SUCLG2: variants seen among roughly 807,000 people sequenced by gnomAD.
The protein encoded by SUCLG2 is succinate--CoA ligase [GDP-forming] subunit beta, mitochondrial.
In SUCLG2, 42 loss-of-function variants were observed where a neutral mutation model predicts 47.9. The observed-to-expected ratio is 0.88, with a 90% CI of 0.69 to 1.14. The LOEUF (loss-of-function observed/expected upper bound fraction) is 1.14. SUCLG2 is among the 50% of genes most tolerant of loss of function. The pLI is 0.00. For missense variants in SUCLG2, 571 were observed against 525.9 expected (o/e 1.09, Z -0.84); for synonymous variants, 195 against 197.3 (o/e 0.99, Z 0.10).
chr3:67,492,274 T>C (rs1316799898), intron 9 of SUCLG2, among the ~76,000 whole-genome samples: 1 of 152,216 alleles, frequency 6.6e-6, no homozygotes, highest in Non-Finnish European at 1.5e-5. Flanking sequence ...TGTCCTTTCC[T>C]TGTATTCACT....
At chr3:67,362,977 C>A (rs1476896475) in intron 10 of SUCLG2, among the ~76,000 whole-genome samples, 1 of 152,152 alleles carries the variant, frequency 6.6e-6, no homozygotes, top group Non-Finnish European at 1.5e-5. Flanking sequence ...AAAACCACAT[C>A]TTTGCCAGGT....
intron 2 of SUCLG2, among the ~76,000 whole-genome samples, chr3:67,538,287 T>C (rs1706602284): frequency 6.6e-6 from 1 of 152,242 alleles, no homozygotes; most frequent in Non-Finnish European, 1.5e-5. Context: ...TTTCTGCATA[T>C]GGCTTACCAA....
intron 10 of SUCLG2, among the ~76,000 whole-genome samples, chr3:67,395,022 G>C (rs929313269): frequency 6.6e-6 from 1 of 152,046 alleles, no homozygotes; most frequent in African/African-American, 2.4e-5. Flanking sequence ...CCTGAAGGAA[G>C]CACTAAACAT....
At chr3:67,491,687 T>C (rs974885780) in intron 9 of SUCLG2, among the ~76,000 whole-genome samples, 6 of 152,202 alleles carry the variant, frequency 3.9e-5, no homozygotes, top group African/African-American at 1.4e-4. Flanking sequence ...GGCTGGAGGT[T>C]AGATGATATG....
chr3:67,535,886 G>C (rs760120782), intron 2 of SUCLG2, among the ~76,000 whole-genome samples: 2 of 152,182 alleles, frequency 1.3e-5, no homozygotes, highest in Non-Finnish European at 2.9e-5. Flanking sequence ...ACAGGGAAGG[G>C]GATTCTGGAA....
At chr3:67,360,660 C>T (rs1480762790) in exon 11 of SUCLG2, 2 of 1,516,420 alleles carry the variant, frequency 1.3e-6, no homozygotes, top group Non-Finnish European at 1.8e-6. Flanking sequence ...GGCACACTTA[C>T]TCAGATTTTG....
At position 67,528,983 on chromosome 3, in the gene SUCLG2, G is replaced by A. The variant is rs112721010; in HGVS notation, c.326+104C>T. On this transcript the variant is annotated intron_variant, in intron 3 of 10. Coordinates refer to ENST00000307227, the MANE Select transcript of SUCLG2 (RefSeq NM_003848.4). ...CAGTTTCTTCTAGTTGCTTTGGCCC[G>A]CTCCTACCCCACCACAACCAACCTC... is the stretch of plus-strand genomic sequence containing the variant. 7,810 of 915,736 alleles carry A rather than the reference G, an allele frequency of 8.5e-3. 430 individuals carry two copies. In the African/African-American group the frequency reaches 0.12, roughly 14 times the overall value. The allele number at this position is 915,736 out of a possible 1,614,324, so 56.7% of individuals were successfully genotyped here. A position where few individuals can be genotyped will look rare whatever the true frequency, so the allele number is the denominator to read the frequency against.
chr3:67,400,893 G>A lies in SUCLG2; in HGVS notation c.1063-42C>T, dbSNP rs116273780. ...AAAGTTACCAATCAAAATGCTGATC[G>A]CCAACAGTCTCAAAAATAACTGGTT... On this transcript the variant is annotated intron_variant, in intron 9 of 10. Coordinates refer to ENST00000307227, the MANE Select transcript of SUCLG2 (RefSeq NM_003848.4). The A allele has an allele frequency of 5.5e-5, 88 of 1,607,972 alleles. No individual in the cohort carries two copies. In the East Asian group the frequency reaches 1.2e-3, roughly 22 times the overall value.
At chr3:67,426,211 T>C (rs1703298710) in intron 9 of SUCLG2, among the ~76,000 whole-genome samples, 1 of 152,184 alleles carries the variant, frequency 6.6e-6, no homozygotes, top group African/African-American at 2.4e-5. Context: ...CAAAATCCCA[T>C]AATCATGATT....
At chr3:67,582,265 C>T (rs187402114) in intron 2 of SUCLG2, among the ~76,000 whole-genome samples, 90 of 152,236 alleles carry the variant, frequency 5.9e-4, no homozygotes, top group African/African-American at 1.8e-3. Context: ...CACCCTCCTC[C>T]TACCCTCCAT....
At chr3:67,584,343 T>C (rs1195316048) in intron 2 of SUCLG2, among the ~76,000 whole-genome samples, 2 of 152,136 alleles carry the variant, frequency 1.3e-5, no homozygotes, top group East Asian at 1.9e-4. Context: ...GACAAATCTA[T>C]AGGGACACAA....
chr3:67,459,143 T>C (rs545838718), intron 9 of SUCLG2, among the ~76,000 whole-genome samples: 4 of 152,368 alleles, frequency 2.6e-5, no homozygotes, highest in South Asian at 4.1e-4. Context: ...GTTTTGTGTG[T>C]GTGTGTTTTA....
intron 2 of SUCLG2, among the ~76,000 whole-genome samples, chr3:67,560,235 T>C (rs990890703): frequency 6.6e-6 from 1 of 152,134 alleles, no homozygotes; most frequent in African/African-American, 2.4e-5. Flanking sequence ...ATCATTAGGG[T>C]AGGCCATAAT....
chr3:67,618,845 T>G (rs1049017293), intron 1 of SUCLG2, among the ~76,000 whole-genome samples: 2 of 151,958 alleles, frequency 1.3e-5, no homozygotes, highest in Non-Finnish European at 2.9e-5. Flanking sequence ...TTAATTAGAG[T>G]GGATAGCTAG....
intron 2 of SUCLG2, among the ~76,000 whole-genome samples, chr3:67,593,963 C>A (rs1429084447): frequency 2.0e-5 from 3 of 152,204 alleles, no homozygotes; most frequent in African/African-American, 4.8e-5. Flanking sequence ...TGTGATGCAA[C>A]AAGGAGCTTG....
In SUCLG2 at chr3:67,592,718, C is replaced by CAAAA. The variant is rs754866312; in HGVS notation, c.226+16733_226+16736dup. Among the ~76,000 whole-genome samples the CAAAA allele has an allele frequency of 5.1e-4, 41 of 80,206 alleles. 1 individual carries two copies. The highest frequency in any genetic ancestry group is 1.6e-3 in the African/African-American group (26 of 16,758). 52.6% of individuals were successfully genotyped at this position (80,206 alleles called of 152,430 possible). A position where few individuals can be genotyped will look rare whatever the true frequency, so the allele number is the denominator to read the frequency against. ...AAGCATATGTAACTCTCACATCCTC[C>CAAAA]AAAAAAAAAAAAAAAAAACAACAAA... On this transcript the variant is annotated intron_variant, in intron 2 of 10. Coordinates refer to ENST00000307227, the MANE Select transcript of SUCLG2 (RefSeq NM_003848.4).
chr3:67,539,433 T>G (rs556495220), intron 2 of SUCLG2, among the ~76,000 whole-genome samples: 1 of 152,286 alleles, frequency 6.6e-6, no homozygotes, highest in East Asian at 1.9e-4. Context: ...TGGATAAGCT[T>G]TTTGTTGTGC....
rs1575686978 is a variant in SUCLG2, at chr3:67,425,753, A to G, written c.1063-24902T>C. Among the ~76,000 whole-genome samples, 12 of 152,318 alleles carry G rather than the reference A, an allele frequency of 7.9e-5. 2 individuals are homozygous for G. The South Asian group carries it at 2.5e-3, about 32-fold the overall frequency. ...TTGGCCTTCATGACTGTATGAGCCA[A>G]TACCTTATAATAAATCTCTTTATAT... On this transcript the variant is annotated intron_variant, in intron 9 of 10. Coordinates refer to ENST00000307227, the MANE Select transcript of SUCLG2 (RefSeq NM_003848.4).
At chr3:67,399,234 T>A (rs1367434870) in intron 10 of SUCLG2, among the ~76,000 whole-genome samples, 1 of 151,982 alleles carries the variant, frequency 6.6e-6, no homozygotes, top group Non-Finnish European at 1.5e-5. Context: ...TGATTACACA[T>A]CTGTTTGATA....
Sources: allele counts gnomAD v4.1 joint callset (sites outside exome capture counted in the v4.1 genomes callset), GRCh38; gene constraint gnomAD v4.1.1; transcripts MANE v1.5; gene names NCBI Gene and HGNC (gene_info 2026-07-23, HGNC 2026-07-21).